SRRM4: variants seen among roughly 807,000 people sequenced by gnomAD.
SRRM4 encodes serine/arginine repetitive matrix protein 4.
Under a neutral mutation model 68.9 loss-of-function variants are expected in SRRM4, and 33 were observed. The observed-to-expected ratio is 0.48, with a 90% CI of 0.36 to 0.64. The LOEUF (loss-of-function observed/expected upper bound fraction) is 0.64. Ranked by LOEUF, SRRM4 falls within the 30% of genes least tolerant of loss-of-function variation. The pLI is 0.00. For missense variants in SRRM4, 817 were observed against 827.1 expected (o/e 0.99, Z 0.15); for synonymous variants, 318 against 318.8 (o/e 1.00, Z 0.03).
intron 1 of SRRM4, among the ~76,000 whole-genome samples, chr12:119,025,588 G>A (rs1030656382): frequency 2.0e-5 from 3 of 152,072 alleles, no homozygotes; most frequent in Admixed American, 1.3e-4. Context: ...GGGATTACAG[G>A]CATGTGCCAC....
intron 1 of SRRM4, among the ~76,000 whole-genome samples, chr12:119,048,784 G>T (rs956797978): frequency 3.3e-5 from 5 of 152,090 alleles, no homozygotes; most frequent in Non-Finnish European, 5.9e-5. Context: ...AATTAGTCTG[G>T]CATGGTAGCA....
At chr12:119,087,991 G>A (rs1953990089) in intron 1 of SRRM4, among the ~76,000 whole-genome samples, 1 of 152,156 alleles carries the variant, frequency 6.6e-6, no homozygotes, top group African/African-American at 2.4e-5. Flanking sequence ...GGTTTTAATT[G>A]TCTGATGAGG....
rs1478633826 is a variant in SRRM4, at chr12:119,160,576, T to C, written c.*3778T>C. The C allele has an allele frequency of 6.6e-6, 1 of 152,210 alleles. No individual in the cohort carries two copies. The allele number at this position is 152,210 out of a possible 1,614,324, so 9.4% of individuals were successfully genotyped here. ...AGATGTGGCTTGAGGTCAAGCGCCATGCATCCCAAGCCTTTGACCTTCCCG... is the reference window on the plus strand; with the variant it reads ...AGATGTGGCTTGAGGTCAAGCGCCACGCATCCCAAGCCTTTGACCTTCCCG... On this transcript the variant is annotated 3_prime_UTR_variant, in exon 13 of 13. Transcript: ENST00000267260.
chr12:118,981,823 G>A lies in SRRM4; in HGVS notation c.-60G>A. 6.4e-7 allele frequency: 1 copy of A among 1,569,168 alleles called. No individual in the cohort carries two copies. Among genetic ancestry groups the A allele is most frequent in the East Asian group, 2.3e-5 (1 of 43,830 alleles). ...GGGAGCTGGGTGTCGCCCCCGTTTGGAATCCACGTTTCAGCACTTTGGACA... is the reference window on the plus strand; with the variant it reads ...GGGAGCTGGGTGTCGCCCCCGTTTGAAATCCACGTTTCAGCACTTTGGACA... On this transcript the variant is annotated 5_prime_UTR_variant, in exon 1 of 13. Coordinates refer to ENST00000267260, the MANE Select transcript of SRRM4 (RefSeq NM_194286.4).
At chr12:119,068,884 C>T (rs1055312548) in intron 1 of SRRM4, among the ~76,000 whole-genome samples, 3 of 152,080 alleles carry the variant, frequency 2.0e-5, no homozygotes, top group Admixed American at 1.3e-4. Context: ...CTACATGAGG[C>T]GTCGGGAGGG....
rs79323341 is a variant in SRRM4, at chr12:119,049,356, T to C, written c.132-52880T>C. Among the ~76,000 whole-genome samples, 86 of 152,282 alleles carry C rather than the reference T, an allele frequency of 5.6e-4. 2 individuals are homozygous for C. In the East Asian group the frequency reaches 0.013, roughly 24 times the overall value. On this transcript the variant is annotated intron_variant, in intron 1 of 12. Coordinates refer to ENST00000267260, the MANE Select transcript of SRRM4 (RefSeq NM_194286.4). ...GTGGGTGTATACTTGGCCAGTGTCA[T>C]TGGAGCAATTTGAGAGAAGAGGAAA...
Position 119,131,801 on chromosome 12 carries a change from A to T in SRRM4, c.771+967A>T, listed in dbSNP as rs78319329. On this transcript the variant is annotated intron_variant, in intron 8 of 12. Transcript: ENST00000267260. ...TCTAAAGAGACAGACGAACAGGAAG[A>T]GAGTCAACATTGATAGGGTCTACAA... 8.7e-4 allele frequency among the ~76,000 whole-genome samples: 132 copies of T among 152,334 alleles called. 2 individuals carry two copies. The East Asian group carries it at 0.025, about 29-fold the overall frequency.
chr12:119,132,516 A>G (rs1954304524), intron 8 of SRRM4, among the ~76,000 whole-genome samples: 2 of 152,240 alleles, frequency 1.3e-5, no homozygotes, highest in East Asian at 1.9e-4. Flanking sequence ...CAACTGGCTT[A>G]TACATTCTTA....
chr12:119,024,874 C>A (rs772372616), intron 1 of SRRM4, among the ~76,000 whole-genome samples: 2 of 152,072 alleles, frequency 1.3e-5, no homozygotes, highest in Admixed American at 1.3e-4. Flanking sequence ...CCATGTATGG[C>A]GACAGTAGGA....
chr12:119,075,915 T>TGGTGATGAAGGTGATGATGGTGATGAA (rs796870954), intron 1 of SRRM4, among the ~76,000 whole-genome samples: 3 of 137,516 alleles, frequency 2.2e-5, no homozygotes, highest in Non-Finnish European at 4.7e-5. Flanking sequence ...ATGGTGATGA[T>TGGTGATGAAGGTGATGATGGTGATGAA]GATGATGATG....
intron 2 of SRRM4, among the ~76,000 whole-genome samples, chr12:119,106,152 TATTC>T (rs903410701): frequency 4.1e-4 from 63 of 152,360 alleles, no homozygotes; most frequent in African/African-American, 1.5e-3. Context: ...GGCTCTGTTC[TATTC>T]CATTGGTCTA....
chr12:119,044,528 CAGCAAG>C (rs3076206), intron 1 of SRRM4, among the ~76,000 whole-genome samples: 133,659 of 151,568 alleles, frequency 0.88, 59,310 homozygotes, highest in Middle Eastern at 0.95. Flanking sequence ...AGAGCCCCCA[CAGCAAG>C]AGCAAGCTGT....
chr12:119,061,923 C>T (rs564294830), intron 1 of SRRM4, among the ~76,000 whole-genome samples: 9 of 152,210 alleles, frequency 5.9e-5, no homozygotes, highest in African/African-American at 1.7e-4. Flanking sequence ...ATCCCACCTC[C>T]ATTGAAAATC....
At chr12:119,013,973 A>G (rs1953465686) in intron 1 of SRRM4, among the ~76,000 whole-genome samples, 1 of 151,956 alleles carries the variant, frequency 6.6e-6, no homozygotes, top group Non-Finnish European at 1.5e-5. Context: ...TTATTTGACC[A>G]TTACTTGATG....
chr12:119,007,083 G>T (rs1407775593), intron 1 of SRRM4, among the ~76,000 whole-genome samples: 1 of 152,194 alleles, frequency 6.6e-6, no homozygotes, highest in Non-Finnish European at 1.5e-5. Flanking sequence ...TTAGCAGCTG[G>T]TTCTTTTTGA....
intron 2 of SRRM4, among the ~76,000 whole-genome samples, chr12:119,108,458 T>A (rs143954370): frequency 0.036 from 5,534 of 152,248 alleles, 106 homozygotes; most frequent in African/African-American, 0.045. Context: ...CTAAGTCTCA[T>A]TGTATGTCTC....
chr12:118,995,160 G>A (rs1010119471), intron 1 of SRRM4, among the ~76,000 whole-genome samples: 1 of 152,196 alleles, frequency 6.6e-6, no homozygotes, highest in Admixed American at 6.5e-5. Context: ...ACTGAGAAAA[G>A]TGCTTTATCT....
chr12:119,057,290 C>G lies in SRRM4; in HGVS notation c.132-44946C>G, dbSNP rs549625932. On this transcript the variant is annotated intron_variant, in intron 1 of 12. Coordinates refer to ENST00000267260, the MANE Select transcript of SRRM4 (RefSeq NM_194286.4). ...TTTGCTACAAAGATCAACTCATCACCTAGGTATTAACCCCAGTGCCCAGCA... is the reference window on the plus strand; with the variant it reads ...TTTGCTACAAAGATCAACTCATCACGTAGGTATTAACCCCAGTGCCCAGCA... 5.9e-5 allele frequency among the ~76,000 whole-genome samples: 9 copies of G among 152,260 alleles called. No individual in the cohort carries two copies. The South Asian group carries it at 1.0e-3, about 18-fold the overall frequency.
chr12:119,042,568 G>T (rs984988939), intron 1 of SRRM4, among the ~76,000 whole-genome samples: 2 of 151,520 alleles, frequency 1.3e-5, no homozygotes, highest in African/African-American at 4.9e-5. Context: ...AGAGGAAGAG[G>T]GGGTGGTAGA....
Sources: gnomAD v4.1 joint callset for allele counts (sites outside exome capture counted in the v4.1 genomes callset) on GRCh38, gnomAD v4.1.1 for gene constraint, MANE v1.5 for transcripts, NCBI Gene and HGNC (gene_info 2026-07-23, HGNC 2026-07-21) for gene names.